Variants in MAGI1 observed in about 807,000 individuals in gnomAD.
The protein encoded by MAGI1 is membrane associated guanylate kinase, WW and PDZ domain containing 1, also known as membrane-associated guanylate kinase, WW and PDZ domain-containing protein 1.
In MAGI1, 58 loss-of-function variants were observed where a neutral mutation model predicts 139.9. The ratio of observed to expected loss-of-function variants is 0.41; its 90% CI spans 0.34 to 0.52. MAGI1 has a LOEUF of 0.52. Ranked by LOEUF, MAGI1 falls within the 20% of genes least tolerant of loss-of-function variation. The pLI is 0.12. For missense variants in MAGI1, 1,874 were observed against 1,901.6 expected, an observed-to-expected ratio of 0.99 and a Z score of 0.27; for synonymous variants, 812 against 737.9, an observed-to-expected ratio of 1.10 and a Z score of -1.63.
chr3:65,775,502 CAAAAAAAAAAA>C (rs9311958), intron 1 of MAGI1, among the ~76,000 whole-genome samples: 12 of 36,604 alleles, frequency 3.3e-4, no homozygotes, highest in South Asian at 1.8e-3. Flanking sequence ...CCCACTCTGC[CAAAAAAAAAAA>C]AAAAAAAAAA....
chr3:65,645,330 A>G (rs2085201588), intron 1 of MAGI1, among the ~76,000 whole-genome samples: 2 of 152,166 alleles, frequency 1.3e-5, no homozygotes. Flanking sequence ...CATAGAAAAA[A>G]TAGAGTGACA....
At position 65,769,781 on chromosome 3, in the gene MAGI1, G is replaced by A. The variant is rs138081807; in HGVS notation, c.314-147693C>T. ...GTGCCTACTATCTCTATGTAACAGTGCCTGTTAAAAGCAAAAAAGGTGAGA... is the reference window on the plus strand; with the variant it reads ...GTGCCTACTATCTCTATGTAACAGTACCTGTTAAAAGCAAAAAAGGTGAGA... On this transcript the variant is annotated intron_variant, in intron 1 of 22. Coordinates refer to ENST00000402939, the MANE Select transcript of MAGI1 (RefSeq NM_001033057.2). Among the ~76,000 whole-genome samples, 390 of 152,288 alleles carry A rather than the reference G, an allele frequency of 2.6e-3. 2 individuals are homozygous for A. The highest frequency in any genetic ancestry group is 3.2e-3 in the Non-Finnish European group (218 of 68,028).
In MAGI1 at chr3:65,793,576, G is replaced by T. The variant is rs554900075; in HGVS notation, c.314-171488C>A. Among the ~76,000 whole-genome samples, 4 of 152,312 alleles carry T rather than the reference G, an allele frequency of 2.6e-5. No individual in the cohort carries two copies. The East Asian group carries it at 7.7e-4, about 29-fold the overall frequency. On this transcript the variant is annotated intron_variant, in intron 1 of 22. Coordinates refer to ENST00000402939, the MANE Select transcript of MAGI1 (RefSeq NM_001033057.2). ...TGAGAGATACTCTGGATAAATTAAA[G>T]AATTAGAATAACCATTGAGCTCACT...
At chr3:65,988,030 TAA>T (rs1199788559) in intron 1 of MAGI1, among the ~76,000 whole-genome samples, 1 of 152,216 alleles carries the variant, frequency 6.6e-6, no homozygotes, top group Non-Finnish European at 1.5e-5. Flanking sequence ...GTTGAAGATA[TAA>T]GTGTAAGTTA....
At chr3:65,730,660 A>G (rs1559828027) in intron 1 of MAGI1, among the ~76,000 whole-genome samples, 1 of 152,368 alleles carries the variant, frequency 6.6e-6, no homozygotes, top group East Asian at 1.9e-4. Context: ...TAGACACAAA[A>G]TCAGGGGTCA....
At chr3:65,960,217 G>A (rs2064356463) in intron 1 of MAGI1, among the ~76,000 whole-genome samples, 1 of 152,246 alleles carries the variant, frequency 6.6e-6, no homozygotes, top group Middle Eastern at 3.4e-3. Context: ...CTTGCCAGAT[G>A]AGCTTTTAGC....
At chr3:65,948,282 A>G (rs1345186571) in intron 1 of MAGI1, among the ~76,000 whole-genome samples, 1 of 152,212 alleles carries the variant, frequency 6.6e-6, no homozygotes, top group South Asian at 2.1e-4. Context: ...GCTAGCAGCA[A>G]TGGACACTCT....
At chr3:65,443,454 A>G (rs1948478472) in intron 7 of MAGI1, among the ~76,000 whole-genome samples, 1 of 152,196 alleles carries the variant, frequency 6.6e-6, no homozygotes, top group South Asian at 2.1e-4. Context: ...AGAGCTCACT[A>G]TCTAAGGCGG....
At position 65,842,421 on chromosome 3, in the gene MAGI1, C is replaced by T. The variant is rs1046941569; in HGVS notation, c.313+195575G>A. 1.9e-4 allele frequency among the ~76,000 whole-genome samples: 29 copies of T among 150,584 alleles called. No homozygotes were observed. In the Middle Eastern group the frequency reaches 0.017, roughly 88 times the overall value. On this transcript the variant is annotated intron_variant, in intron 1 of 22. Coordinates refer to ENST00000402939, the MANE Select transcript of MAGI1 (RefSeq NM_001033057.2). The stretch of plus-strand genomic sequence containing the variant: ...TGTTGCCCAGGCTGGAGTGCAATGG[C>T]GCAATCTCGACTCACCACAACCTCC...
At chr3:65,874,782 T>C (rs976500210) in intron 1 of MAGI1, 1 of 152,384 alleles carries the variant, frequency 6.6e-6, no homozygotes. Flanking sequence ...TGAAAACATA[T>C]GTTCACACAA....
At chr3:65,644,385 GAAAC>G (rs937627212) in intron 1 of MAGI1, among the ~76,000 whole-genome samples, 15 of 109,868 alleles carry the variant, frequency 1.4e-4, no homozygotes, top group African/African-American at 4.3e-4. Flanking sequence ...GAACACACTT[GAAAC>G]AAACAAAGAA....
chr3:65,411,493 A>G lies in MAGI1; in HGVS notation c.2168-10023T>C, dbSNP rs547725318. On this transcript the variant is annotated intron_variant, in intron 12 of 22. Coordinates refer to ENST00000402939, the MANE Select transcript of MAGI1 (RefSeq NM_001033057.2). Reference sequence around the variant, plus strand: ...GGTGATTTTTAACTACATAGGATGTACGGGGGGATTATGAAACAATAGCTC... The same window carrying G: ...GGTGATTTTTAACTACATAGGATGTGCGGGGGGATTATGAAACAATAGCTC... Among the ~76,000 whole-genome samples, 8 of 152,264 alleles carry G rather than the reference A, an allele frequency of 5.3e-5. No individual in the cohort carries two copies. In the East Asian group the frequency reaches 1.5e-3, roughly 29 times the overall value.
At chr3:65,510,275 T>G (rs1164779223) in intron 2 of MAGI1, among the ~76,000 whole-genome samples, 1 of 152,140 alleles carries the variant, frequency 6.6e-6, no homozygotes, top group Non-Finnish European at 1.5e-5. Flanking sequence ...ACGCAGTTCC[T>G]CACCAGCAAC....
At chr3:65,838,875 C>T (rs916906882) in intron 1 of MAGI1, among the ~76,000 whole-genome samples, 1 of 152,178 alleles carries the variant, frequency 6.6e-6, no homozygotes, top group Non-Finnish European at 1.5e-5. Context: ...TCTCTGCATC[C>T]TCACCAGGAT....
intron 1 of MAGI1, among the ~76,000 whole-genome samples, chr3:65,786,065 C>G (rs1401789658): frequency 2.0e-5 from 3 of 151,754 alleles, no homozygotes; most frequent in Non-Finnish European, 4.4e-5. Context: ...AAGTGATTCT[C>G]CTGCCTCAGC....
At chr3:65,481,647 A>AT (rs1190003384) in intron 3 of MAGI1, among the ~76,000 whole-genome samples, 1 of 152,236 alleles carries the variant, frequency 6.6e-6, no homozygotes, top group African/African-American at 2.4e-5. Context: ...TTTTATATGC[A>AT]TAATTTCCTA....
chr3:65,632,852 T>C (rs1299194307), intron 1 of MAGI1, among the ~76,000 whole-genome samples: 8 of 152,160 alleles, frequency 5.3e-5, no homozygotes, highest in Admixed American at 3.9e-4. Flanking sequence ...CCTTAAGTAA[T>C]TGTTGGGGTA....
intron 2 of MAGI1, among the ~76,000 whole-genome samples, chr3:65,589,574 T>G (rs945562513): frequency 3.9e-5 from 6 of 152,136 alleles, no homozygotes; most frequent in Non-Finnish European, 8.8e-5. Flanking sequence ...TGCATTAACT[T>G]CATTCCCTAA....
At position 65,620,477 on chromosome 3, in the gene MAGI1, G is replaced by A. The variant is rs73127821; in HGVS notation, c.430+1495C>T. Among the ~76,000 whole-genome samples, 1,437 of 152,274 alleles carry A rather than the reference G, an allele frequency of 9.4e-3. 9 individuals carry two copies. The highest frequency in any genetic ancestry group is 0.015 in the Non-Finnish European group (1,013 of 68,008). On this transcript the variant is annotated intron_variant, in intron 2 of 22. Transcript: ENST00000402939. ...GGGCAATGGTGAACTCAGGAGACTC[G>A]AAGCCCTGATCACCTATGGCTTTAA...
Sources: allele counts gnomAD v4.1 joint callset (sites outside exome capture counted in the v4.1 genomes callset), GRCh38; gene constraint gnomAD v4.1.1; transcripts MANE v1.5; gene names NCBI Gene and HGNC (gene_info 2026-07-23, HGNC 2026-07-21).